Variants in OSBPL5 observed in about 807,000 individuals in gnomAD.
OSBPL5 encodes oxysterol-binding protein-related protein 5.
A neutral mutation model predicts 111.2 loss-of-function variants in OSBPL5; 71 were observed. The observed-to-expected ratio is 0.64, with a 90% CI of 0.53 to 0.78. The LOEUF is 0.78. Among genes scored for constraint, OSBPL5 ranks in the 30% least tolerant of loss-of-function variants. OSBPL5 has a pLI of 0.00. For missense variants in OSBPL5, 1,210 were observed against 1,189.3 expected (o/e 1.02, Z -0.26); for synonymous variants, 549 against 513.9 (o/e 1.07, Z -0.93).
chr11:3,157,606 G>C (rs1846817160), intron 1 of OSBPL5, among the ~76,000 whole-genome samples: 1 of 152,224 alleles, frequency 6.6e-6, no homozygotes, highest in African/African-American at 2.4e-5. Context: ...GCGCCACAAG[G>C]CCACTTCCTG....
At chr11:3,102,651 G>A (rs1252607287) in intron 11 of OSBPL5, among the ~76,000 whole-genome samples, 1 of 149,106 alleles carries the variant, frequency 6.7e-6, no homozygotes, top group East Asian at 1.9e-4. Flanking sequence ...CCTGCTGTAC[G>A]ACTCAGGCCA....
chr11:3,117,870 C>A (rs1342259729), intron 7 of OSBPL5, among the ~76,000 whole-genome samples: 1 of 152,180 alleles, frequency 6.6e-6, no homozygotes, highest in Non-Finnish European at 1.5e-5. Context: ...TACTTACATA[C>A]ATAAGCCACT....
Position 3,130,550 on chromosome 11 carries a change from G to T in OSBPL5, c.-21-1381C>A. Among the ~76,000 whole-genome samples, 1 of 152,198 alleles carries T rather than the reference G, an allele frequency of 6.6e-6. No individual in the cohort carries two copies. Among genetic ancestry groups the T allele is most frequent in the Admixed American group, 6.5e-5 (1 of 15,284 alleles). Reference sequence around the variant, plus strand: ...CCCAGTCCTGAAGTCAGAGTGGGGAGGGGCTCCAAGGATGCAGCCAGGCTG... The same window carrying T: ...CCCAGTCCTGAAGTCAGAGTGGGGATGGGCTCCAAGGATGCAGCCAGGCTG... On this transcript the variant is annotated intron_variant, in intron 1 of 21. Transcript: ENST00000263650. This position sits in a 1 kb window ranked among gnomAD's most constrained non-coding sequence, Gnocchi z 4.5.
At position 3,104,580 on chromosome 11, in the gene OSBPL5, G is replaced by C. The variant is rs1857632628; in HGVS notation, c.1060-203C>G. On this transcript the variant is annotated intron_variant, in intron 9 of 21. Transcript: ENST00000263650. The surrounding 1 kb of genome is among the most constrained non-coding windows in gnomAD (Gnocchi z 5.0). ...CCAATGCGTCTCCACCCCACCCCTG[G>C]AGCACCCGCAGCCCAGGTCCAGGCC... Among the ~76,000 whole-genome samples, 1 of 152,236 alleles carries C rather than the reference G, an allele frequency of 6.6e-6. No homozygotes were observed. The highest frequency in any genetic ancestry group is 2.1e-4 in the South Asian group (1 of 4,830).
intron 14 of OSBPL5, among the ~76,000 whole-genome samples, chr11:3,099,738 G>A (rs1414821692): frequency 6.6e-6 from 1 of 152,180 alleles, no homozygotes; most frequent in South Asian, 2.1e-4. Context: ...TCAAAGGGCA[G>A]TAAAATAGCA....
intron 1 of OSBPL5, among the ~76,000 whole-genome samples, chr11:3,147,893 T>A (rs10766688): frequency 0.4 from 60,541 of 151,878 alleles, 12,698 homozygotes; most frequent in Non-Finnish European, 0.44. Context: ...CAAGAGCCTG[T>A]TCTTGCGACT....
rs555068719 is a variant in OSBPL5, at chr11:3,141,793, C to T, written c.-21-12624G>A. On this transcript the variant is annotated intron_variant, in intron 1 of 21. Transcript: ENST00000263650. This position sits in a 1 kb window ranked among gnomAD's most constrained non-coding sequence, Gnocchi z 6.5. ...ACAGTAGGAACACCCACCCCCCACC[C>T]GCCTCCCACCCAGTGCAGGGACTGG... Among the ~76,000 whole-genome samples the T allele has an allele frequency of 2.1e-5, 3 of 143,046 alleles. No individual in the cohort carries two copies. Among genetic ancestry groups the T allele is most frequent in the South Asian group, 2.6e-4 (1 of 3,910 alleles). The allele number at this position is 143,046 out of a possible 152,430, so 93.8% of individuals were successfully genotyped here. A position where few individuals can be genotyped will look rare whatever the true frequency, so the allele number is the denominator to read the frequency against.
Position 3,161,642 on chromosome 11 carries a change from G to A in OSBPL5, c.-22+3574C>T, listed in dbSNP as rs758726012. ...CACCGCGCACCAGCGGCACCCACCAGGGACAGATGCCACGCACCAGCGGCG... is the reference window on the plus strand; with the variant it reads ...CACCGCGCACCAGCGGCACCCACCAAGGACAGATGCCACGCACCAGCGGCG... On this transcript the variant is annotated intron_variant, in intron 1 of 21. Transcript: ENST00000263650. This position sits in a 1 kb window ranked among gnomAD's most constrained non-coding sequence, Gnocchi z 8.0. 6.6e-6 allele frequency among the ~76,000 whole-genome samples: 1 copy of A among 152,150 alleles called. No homozygotes were observed. Among genetic ancestry groups the A allele is most frequent in the Non-Finnish European group, 1.5e-5 (1 of 68,024 alleles).
Position 3,142,686 on chromosome 11 carries a change from C to A in OSBPL5, c.-21-13517G>T, listed in dbSNP as rs1290110814. Among the ~76,000 whole-genome samples the A allele has an allele frequency of 3.3e-5, 5 of 152,170 alleles. No homozygotes were observed. On this transcript the variant is annotated intron_variant, in intron 1 of 21. Coordinates refer to ENST00000263650, the MANE Select transcript of OSBPL5 (RefSeq NM_020896.4). This position sits in a 1 kb window ranked among gnomAD's most constrained non-coding sequence, Gnocchi z 7.1. ...CTCTGTCTCTCCTCATAGACCCACT[C>A]AGGTGGAGACCTGTCCCTCTGTCTC...
intron 14 of OSBPL5, among the ~76,000 whole-genome samples, chr11:3,097,958 C>T (rs1459399509): frequency 1.3e-5 from 2 of 152,264 alleles, no homozygotes; most frequent in East Asian, 3.9e-4. Context: ...GTCCCAGCTA[C>T]TCAGGAGGCT....
intron 7 of OSBPL5, among the ~76,000 whole-genome samples, chr11:3,111,482 C>T (rs1308515890): frequency 6.6e-6 from 1 of 152,220 alleles, no homozygotes; most frequent in African/African-American, 2.4e-5. Flanking sequence ...CTTAATTTCT[C>T]CTTACCATTA....
Position 3,129,081 on chromosome 11 carries a change from A to G in OSBPL5, c.68T>C (p.Val23Ala), listed in dbSNP as rs1464353870. 6 of 1,567,392 alleles carry G rather than the reference A, an allele frequency of 3.8e-6. No individual in the cohort carries two copies. The highest frequency in any genetic ancestry group is 1.2e-5 in the South Asian group (1 of 85,626). ...GTTCCGGGTGAGCTTCCGGGGGTCG[A>G]CTTTCTGAGGGGTGGAGGAAGGTGG... ...LCPPSSTPQKVDPRKLTRNLL... is the reference protein window; with the variant it reads ...LCPPSSTPQKADPRKLTRNLL... Residue 23 changes from valine to alanine, a missense_variant, in exon 2 of 22, where the codon GTC becomes GCC. Physicochemically the swap from Val to Ala is moderately conservative, Grantham distance 64 (BLOSUM62 0). Transcript: ENST00000263650.
intron 1 of OSBPL5, among the ~76,000 whole-genome samples, chr11:3,156,008 G>A (rs143447872): frequency 0.015 from 2,347 of 152,334 alleles, 66 homozygotes; most frequent in African/African-American, 0.054. Flanking sequence ...AAACATCTAT[G>A]TATGGTGTGT....
Position 3,140,700 on chromosome 11 carries a change from C to T in OSBPL5, c.-21-11531G>A, listed in dbSNP as rs1175319410. Among the ~76,000 whole-genome samples the T allele has an allele frequency of 4.6e-5, 7 of 152,200 alleles. No individual in the cohort carries two copies. On this transcript the variant is annotated intron_variant, in intron 1 of 21. Coordinates refer to ENST00000263650, the MANE Select transcript of OSBPL5 (RefSeq NM_020896.4). The surrounding 1 kb of genome is among the most constrained non-coding windows in gnomAD (Gnocchi z 4.5). ...GGACTGGCTGTAGGAGCCTTGTTTC[C>T]AAGACCAGAGAGGTCATAAGGTCAC...
chr11:3,110,033 T>C lies in OSBPL5; in HGVS notation c.692-2088A>G, dbSNP rs771207500. ...ACCCAGGAGCACAGAGGCTGTGGGC[T>C]GCCCTGGCCATCCCCGGGCCTGCAT... On this transcript the variant is annotated intron_variant, in intron 7 of 21. Transcript: ENST00000263650. This position sits in a 1 kb window ranked among gnomAD's most constrained non-coding sequence, Gnocchi z 5.3. 1.3e-5 allele frequency among the ~76,000 whole-genome samples: 2 copies of C among 152,084 alleles called. No homozygotes were observed. The highest frequency in any genetic ancestry group is 2.9e-5 in the Non-Finnish European group (2 of 67,998).
At chr11:3,112,059 GTGTATGTGTGTGTGCA>G (rs1590665861) in intron 7 of OSBPL5, among the ~76,000 whole-genome samples, 70 of 64,264 alleles carry the variant, frequency 1.1e-3, no homozygotes, top group East Asian at 3.8e-3. Flanking sequence ...GTGTGTGCAT[GTGTATGTGTGTGTGCA>G]TGTGTGTGTG....
intron 1 of OSBPL5, 124 bp from the exon 2 acceptor site, chr11:3,129,293 A>C: frequency 1.0e-6 from 1 of 964,714 alleles, no homozygotes; most frequent in Non-Finnish European, 1.4e-6. Context: ...CAGGGTGAGG[A>C]GGGCCTGGGC....
chr11:3,149,985 C>T (rs1459314263), intron 1 of OSBPL5, among the ~76,000 whole-genome samples: 74 of 152,244 alleles, frequency 4.9e-4, no homozygotes, highest in Admixed American at 4.8e-3. Flanking sequence ...CACACATACA[C>T]ATGTGCACAG....
intron 10 of OSBPL5, among the ~76,000 whole-genome samples, chr11:3,103,861 CAGCCCCCTTCCTGCCTCTGT>C (rs1255314019): frequency 7.4e-5 from 3 of 40,690 alleles, no homozygotes; most frequent in South Asian, 6.5e-4. Flanking sequence ...CCAGTCTGCG[CAGCCCCCTTCCTGCCTCTGT>C]AGCCCCATTC....
Sources: allele counts gnomAD v4.1 joint callset (sites outside exome capture counted in the v4.1 genomes callset), GRCh38; gene constraint gnomAD v4.1.1; non-coding constraint Gnocchi (gnomAD v3.1); transcripts MANE v1.5; gene names NCBI Gene and HGNC (gene_info 2026-07-23, HGNC 2026-07-21).